Variants in WWOX observed in about 807,000 individuals in gnomAD.
WWOX encodes the protein WW domain containing oxidoreductase.
Under a neutral mutation model 46.2 loss-of-function variants are expected in WWOX, and 69 were observed. The observed-to-expected ratio is 1.49, with a 90% CI of 1.23 to 1.82. The LOEUF (loss-of-function observed/expected upper bound fraction) is 1.82. WWOX is among the 40% of genes most tolerant of loss of function. The pLI, the probability that WWOX is intolerant of heterozygous loss-of-function variation, is 0.00. For missense variants in WWOX, 919 were observed against 542.6 expected, an observed-to-expected ratio of 1.69 and a Z score of -6.89; for synonymous variants, 359 against 202.6, an observed-to-expected ratio of 1.77 and a Z score of -6.56.
intron 8 of WWOX, among the ~76,000 whole-genome samples, chr16:78,436,500 G>T (rs1445001027): frequency 6.6e-6 from 1 of 152,170 alleles, no homozygotes; most frequent in African/African-American, 2.4e-5. Context: ...GTAGCTAAGA[G>T]TCTTACTAAA....
chr16:79,104,043 G>C lies in WWOX; in HGVS notation c.1057-107565G>C, dbSNP rs866553545. 1.9e-4 allele frequency among the ~76,000 whole-genome samples: 23 copies of C among 123,962 alleles called. 2 individuals are homozygous for C. Among genetic ancestry groups the C allele is most frequent in the African/African-American group, 5.4e-4 (18 of 33,328 alleles). The allele number at this position is 123,962 out of a possible 152,430, so 81.3% of individuals were successfully genotyped here. On this transcript the variant is annotated intron_variant, in intron 8 of 8. Coordinates refer to ENST00000566780, the MANE Select transcript of WWOX (RefSeq NM_016373.4). ...ATGTGGTGGTGCCCTTTTTTGGGGGGGGGGGGGCGGGTGGTGGGGGTACTT... is the reference window on the plus strand; with the variant it reads ...ATGTGGTGGTGCCCTTTTTTGGGGGCGGGGGGGCGGGTGGTGGGGGTACTT...
At chr16:78,743,039 A>C (rs1011201882) in intron 8 of WWOX, among the ~76,000 whole-genome samples, 3 of 151,630 alleles carry the variant, frequency 2.0e-5, no homozygotes, top group African/African-American at 7.3e-5. Context: ...CCGGGAGGTT[A>C]GGTGTCTGCC....
At chr16:78,841,252 C>G (rs964371849) in intron 8 of WWOX, among the ~76,000 whole-genome samples, 12 of 152,170 alleles carry the variant, frequency 7.9e-5, no homozygotes, top group African/African-American at 2.9e-4. Context: ...GGTCTCAATA[C>G]CATCTTGAAA....
chr16:79,153,210 G>C (rs2050315275), intron 8 of WWOX, among the ~76,000 whole-genome samples: 1 of 152,162 alleles, frequency 6.6e-6, no homozygotes, highest in Admixed American at 6.5e-5. Flanking sequence ...TTCAGGCCCA[G>C]CGTAGTGGCT....
At chr16:78,382,415 C>T (rs1341018257) in intron 5 of WWOX, among the ~76,000 whole-genome samples, 1 of 152,194 alleles carries the variant, frequency 6.6e-6, no homozygotes, top group Non-Finnish European at 1.5e-5. Flanking sequence ...TGAGTGGCCA[C>T]GGTGAGCTGG....
chr16:78,836,214 C>T (rs545342964), intron 8 of WWOX, among the ~76,000 whole-genome samples: 1 of 152,066 alleles, frequency 6.6e-6, no homozygotes, highest in South Asian at 2.1e-4. Flanking sequence ...TCTTCCTTTG[C>T]ACAGACTAAT....
chr16:78,939,519 A>C (rs553215084), intron 8 of WWOX, among the ~76,000 whole-genome samples: 1 of 152,354 alleles, frequency 6.6e-6, no homozygotes, highest in Admixed American at 6.5e-5. Context: ...TAGTCTGATG[A>C]ATAAAGCAGG....
At chr16:78,854,547 G>C (rs1182430403) in intron 8 of WWOX, among the ~76,000 whole-genome samples, 5 of 152,166 alleles carry the variant, frequency 3.3e-5, no homozygotes, top group African/African-American at 1.2e-4. Flanking sequence ...CCTCTATTGA[G>C]ATTAACACCT....
At chr16:79,075,715 G>A (rs2048643337) in intron 8 of WWOX, among the ~76,000 whole-genome samples, 1 of 151,990 alleles carries the variant, frequency 6.6e-6, no homozygotes, top group Admixed American at 6.6e-5. Context: ...ACCACACCTG[G>A]CTACTTTTTG....
chr16:78,751,769 A>G (rs747614460), intron 8 of WWOX, among the ~76,000 whole-genome samples: 2 of 151,456 alleles, frequency 1.3e-5, no homozygotes, highest in Non-Finnish European at 2.9e-5. Flanking sequence ...GAGGAAGGGA[A>G]GAAGGAGGGA....
At chr16:78,606,730 T>TTG (rs1404032834) in intron 8 of WWOX, among the ~76,000 whole-genome samples, 2 of 150,526 alleles carry the variant, frequency 1.3e-5, no homozygotes, top group African/African-American at 4.9e-5. Flanking sequence ...TTTTTTTTTT[T>TTG]TTTTTTTTTT....
At chr16:78,433,465 G>T (rs1002601262) in intron 8 of WWOX, among the ~76,000 whole-genome samples, 5 of 152,130 alleles carry the variant, frequency 3.3e-5, no homozygotes, top group Non-Finnish European at 1.5e-5. Flanking sequence ...AATATATTTG[G>T]TAGATTATTT....
chr16:78,208,263 A>G (rs561876699), intron 5 of WWOX, among the ~76,000 whole-genome samples: 15 of 152,350 alleles, frequency 9.8e-5, no homozygotes, highest in East Asian at 3.9e-4. Context: ...TTTGATAACA[A>G]TGTAGGAGAT....
chr16:78,952,465 C>G (rs1307803021), intron 8 of WWOX, among the ~76,000 whole-genome samples: 2 of 151,868 alleles, frequency 1.3e-5, no homozygotes, highest in Non-Finnish European at 2.9e-5. Context: ...TCACTGCAAC[C>G]TCCACCTCCC....
chr16:78,453,359 G>A (rs575902403), intron 8 of WWOX, among the ~76,000 whole-genome samples: 30 of 152,032 alleles, frequency 2.0e-4, no homozygotes, highest in African/African-American at 6.5e-4. Flanking sequence ...AGAGGTGGAG[G>A]TGGCAGTGAG....
At chr16:78,593,579 G>C (rs999726046) in intron 8 of WWOX, among the ~76,000 whole-genome samples, 1 of 152,182 alleles carries the variant, frequency 6.6e-6, no homozygotes, top group Non-Finnish European at 1.5e-5. Flanking sequence ...ATCAAACCAG[G>C]ACAGTCCAAG....
At chr16:79,077,097 G>A (rs188049572) in intron 8 of WWOX, among the ~76,000 whole-genome samples, 4 of 152,234 alleles carry the variant, frequency 2.6e-5, no homozygotes, top group African/African-American at 7.2e-5. Context: ...AAAGGTGGCC[G>A]GATGAGGATT....
At chr16:79,035,025 T>C (rs547593492) in intron 8 of WWOX, among the ~76,000 whole-genome samples, 13 of 152,362 alleles carry the variant, frequency 8.5e-5, no homozygotes, top group African/African-American at 3.1e-4. Flanking sequence ...TTGCTGACTC[T>C]TTTAACTTGT....
At chr16:78,844,806 G>C (rs2052255024) in intron 8 of WWOX, among the ~76,000 whole-genome samples, 2 of 152,276 alleles carry the variant, frequency 1.3e-5, no homozygotes, top group African/African-American at 2.4e-5. Flanking sequence ...AGAGTTGGCT[G>C]GGGCACAGTC....
Sources: allele counts gnomAD v4.1 joint callset (sites outside exome capture counted in the v4.1 genomes callset), GRCh38; gene constraint gnomAD v4.1.1; transcripts MANE v1.5; gene names NCBI Gene and HGNC (gene_info 2026-07-23, HGNC 2026-07-21).